Variants in TRMT44 observed in about 807,000 individuals in gnomAD.
TRMT44 encodes the protein tRNA methyltransferase 44 homolog.
In TRMT44, 78 loss-of-function variants were observed where a neutral mutation model predicts 77.3. That is an observed-to-expected ratio of 1.01 (90% CI 0.84 to 1.22). The LOEUF is 1.22. TRMT44 is among the 50% of genes most tolerant of loss of function. TRMT44 has a pLI of 0.00. For synonymous variants in TRMT44, 391 were observed against 383.3 expected, an observed-to-expected ratio of 1.02 and a Z score of -0.23; for missense variants, 1,090 against 964.4, an observed-to-expected ratio of 1.13 and a Z score of -1.73.
At chr4:8,495,359 T>A (rs575067580), downstream of TRMT44, among the ~76,000 whole-genome samples, 1 of 152,318 alleles carries the variant, frequency 6.6e-6, no homozygotes, top group East Asian at 1.9e-4. Context: ...ATTTCCACGC[T>A]GGGCTGCAGC....
downstream of TRMT44, among the ~76,000 whole-genome samples, chr4:8,497,751 C>A (rs940139520): frequency 1.6e-4 from 25 of 152,244 alleles, no homozygotes; most frequent in African/African-American, 5.8e-4. Flanking sequence ...AAACAATCCT[C>A]CTGTTCTCCA....
At chr4:8,489,679 T>C (rs935162690) in intron 2 of TRMT44, among the ~76,000 whole-genome samples, 7 of 152,188 alleles carry the variant, frequency 4.6e-5, no homozygotes, top group Admixed American at 1.3e-4. Flanking sequence ...GGTTTCACCA[T>C]GTTGGCCAGG....
chr4:8,508,967 G>A, the TRMT44 span: 2 of 152,350 alleles, frequency 1.3e-5, no homozygotes, highest in African/African-American at 4.8e-5. Context: ...TTGCCCTGGA[G>A]GGCTGGCAGC....
chr4:8,455,930 G>A (rs991198279), intron 6 of TRMT44, among the ~76,000 whole-genome samples: 1 of 151,876 alleles, frequency 6.6e-6, no homozygotes, highest in Non-Finnish European at 1.5e-5. Context: ...TAGAAATATT[G>A]AAAAAAATTC....
intron 2 of TRMT44, among the ~76,000 whole-genome samples, chr4:8,449,146 G>A (rs1560221227): frequency 6.6e-6 from 1 of 152,236 alleles, no homozygotes; most frequent in Non-Finnish European, 1.5e-5. Context: ...GGGCGGAGCA[G>A]TGAGCAAGAC....
intron 9 of TRMT44, among the ~76,000 whole-genome samples, chr4:8,469,386 G>A (rs569637271): frequency 5.9e-5 from 9 of 152,232 alleles, no homozygotes; most frequent in Non-Finnish European, 1.2e-4. Context: ...CACAGAGGAA[G>A]AAGGCTGAGG....
At chr4:8,516,645 G>C in the TRMT44 span, among the ~76,000 whole-genome samples, 4 of 152,286 alleles carry the variant, frequency 2.6e-5, no homozygotes, top group South Asian at 2.1e-4. Flanking sequence ...TCTGGGCTTG[G>C]TGGTGTGTGC....
At chr4:8,483,365 C>T (rs918854005) in intron 2 of TRMT44, among the ~76,000 whole-genome samples, 18 of 151,584 alleles carry the variant, frequency 1.2e-4, no homozygotes, top group Admixed American at 3.9e-4. Context: ...TAGTTGAGAA[C>T]GGTGAATAGG....
intron 9 of TRMT44, among the ~76,000 whole-genome samples, chr4:8,470,103 T>G (rs1186918964): frequency 6.6e-6 from 1 of 152,248 alleles, no homozygotes; most frequent in Non-Finnish European, 1.5e-5. Context: ...GAGTCCATGC[T>G]GGGCCAGAGC....
downstream of TRMT44, chr4:8,478,612 A>G (rs1106591): frequency 0.027 from 4,197 of 152,756 alleles, 70 homozygotes; most frequent in South Asian, 0.041. Context: ...CGGGGGGTGG[A>G]GCGGGGCACT....
At chr4:8,472,238 G>A (rs1331996874) in intron 10 of TRMT44, among the ~76,000 whole-genome samples, 3 of 152,208 alleles carry the variant, frequency 2.0e-5, no homozygotes, top group Non-Finnish European at 4.4e-5. Context: ...CTTGAGCTGG[G>A]CCTGGAAGGA....
Position 8,440,937 on chromosome 4 carries a change from T to C in TRMT44, c.115T>C (p.Cys39Arg). 1 of 1,530,100 alleles carries C rather than the reference T, an allele frequency of 6.5e-7. No homozygotes were observed. The highest frequency in any genetic ancestry group is 1.2e-5 in the South Asian group (1 of 83,292). 94.8% of individuals were successfully genotyped at this position (1,530,100 alleles called of 1,614,324 possible). A position where few individuals can be genotyped will look rare whatever the true frequency, so the allele number is the denominator to read the frequency against. The change falls in exon 1 of 11, where the codon TGC becomes CGC. Residue 39 changes from cysteine (C) to arginine (R), a missense_variant. Physicochemically the swap from Cys to Arg is radical, Grantham distance 180 (BLOSUM62 -3). Transcript: ENST00000389737. The stretch of plus-strand genomic sequence containing the variant: ...GCCGCAGGTGGCAAACAAACGGCTT[T>C]GCGGCGCCCGCCTGGAGGCCCGCTG... ...ERPQVANKRLCGARLEARWSA... is the reference protein window; with the variant it reads ...ERPQVANKRLRGARLEARWSA...
intron 10 of TRMT44, chr4:8,473,794 G>T (rs1441163297): frequency 6.6e-6 from 1 of 152,230 alleles, no homozygotes; most frequent in Admixed American, 6.5e-5. Flanking sequence ...CCTCTGGAAG[G>T]CCGCCCCTTC....
intron 2 of TRMT44, among the ~76,000 whole-genome samples, chr4:8,491,497 C>G (rs1228579775): frequency 6.6e-6 from 1 of 152,206 alleles, no homozygotes; most frequent in East Asian, 1.9e-4. Flanking sequence ...CGCACAGGAG[C>G]CCATGGAGTG....
chr4:8,441,569 A>C, intron 1 of TRMT44, 128 bp downstream of exon 1: 1 of 1,178,200 alleles, frequency 8.5e-7, no homozygotes, highest in Non-Finnish European at 1.1e-6. Flanking sequence ...TAGGTGTTTC[A>C]TAGTTTTTTG....
intron 2 of TRMT44, among the ~76,000 whole-genome samples, chr4:8,492,349 G>A (rs1251209515): frequency 1.3e-5 from 2 of 152,130 alleles, no homozygotes; most frequent in African/African-American, 4.8e-5. Context: ...CATACTTTTT[G>A]CTCTGGCCAT....
chr4:8,514,782 T>C, the TRMT44 span, among the ~76,000 whole-genome samples: 1 of 152,140 alleles, frequency 6.6e-6, no homozygotes, highest in African/African-American at 2.4e-5. Flanking sequence ...GTTTTGATAC[T>C]TTCTCTAAAA....
chr4:8,470,859 G>A, intron 9 of TRMT44: 1 of 467,102 alleles, frequency 2.1e-6, no homozygotes, highest in Admixed American at 3.1e-5. Context: ...GGCATGTGTG[G>A]GGCTGCGTCT....
chr4:8,451,997 A>G lies in TRMT44; in HGVS notation c.992A>G (p.Tyr331Cys), dbSNP rs201122467. The change falls in exon 4 of 11, where the codon TAT (tyrosine) becomes TGT (cysteine). Residue 331 changes from tyrosine to cysteine, a missense_variant. Tyr to Cys is a radical substitution (Grantham distance 194). Transcript: ENST00000389737. This position sits in a 1 kb window ranked among gnomAD's most constrained non-coding sequence, Gnocchi z 4.1. ...PEVTDPEKFVYEDVAIAAYLL... is the reference protein window; with the variant it reads ...PEVTDPEKFVCEDVAIAAYLL... Reference sequence around the variant, plus strand: ...GTCACTGATCCTGAGAAGTTCGTGTATGAAGATGTGGCTATCGCAGCATAC... The same window carrying G: ...GTCACTGATCCTGAGAAGTTCGTGTGTGAAGATGTGGCTATCGCAGCATAC... 6.5e-7 allele frequency: 1 copy of G among 1,536,796 alleles called. No individual in the cohort carries two copies. Among genetic ancestry groups the G allele is most frequent in the East Asian group, 2.4e-5 (1 of 40,930 alleles).
Sources: gnomAD v4.1 joint callset for allele counts (sites outside exome capture counted in the v4.1 genomes callset) on GRCh38, gnomAD v4.1.1 for gene constraint, Gnocchi (gnomAD v3.1) non-coding constraint, MANE v1.5 for transcripts, NCBI Gene and HGNC (gene_info 2026-07-23, HGNC 2026-07-21) for gene names.